GLG1: variants seen among roughly 807,000 people sequenced by gnomAD.
The protein encoded by GLG1 is golgi glycoprotein 1, also known as Golgi apparatus protein 1.
GLG1 carries 38 observed loss-of-function variants against 160.5 expected under a neutral mutation model. The ratio of observed to expected loss-of-function variants is 0.24; its 90% CI spans 0.18 to 0.31. The LOEUF (loss-of-function observed/expected upper bound fraction) is 0.31, where lower values mean the gene tolerates loss of function less well. Ranked by LOEUF, GLG1 falls within the 10% of genes least tolerant of loss-of-function variation. The pLI is 1.00. For synonymous variants in GLG1, 644 were observed against 543.4 expected (o/e 1.19, Z -2.57); for missense variants, 1,373 against 1,505.2 (o/e 0.91, Z 1.45).
At position 74,462,136 on chromosome 16, in the gene GLG1, G is replaced by A. The variant is rs2014822215; in HGVS notation, c.2994C>T (p.Asp998=). The change falls in exon 22 of 26, where the codon GAC becomes GAT. Residue 998 remains aspartate, a synonymous_variant. Transcript: ENST00000422840. ...IRIIIQESAL[D]YRLDPQLQLH... ...GCTGGAGCTGAGGATCCAGGCGGTA[G>A]TCCAGGGCGGACTCCTGGATAATGA... 1 of 1,609,324 alleles carries A rather than the reference G, an allele frequency of 6.2e-7. No homozygotes were observed. The highest frequency in any genetic ancestry group is 8.5e-7 in the Non-Finnish European group (1 of 1,175,718).
At chr16:74,536,334 T>C (rs561128992) in intron 1 of GLG1, among the ~76,000 whole-genome samples, 2 of 152,300 alleles carry the variant, frequency 1.3e-5, no homozygotes, top group South Asian at 4.1e-4. Flanking sequence ...CTGAGGATTT[T>C]TTTTCTTCCT....
At chr16:74,590,341 G>A (rs751418828) in intron 1 of GLG1, among the ~76,000 whole-genome samples, 17 of 151,972 alleles carry the variant, frequency 1.1e-4, no homozygotes, top group Admixed American at 2.0e-4. Flanking sequence ...TTTCAGGCCA[G>A]GTGCCATGGC....
chr16:74,457,242 C>T (rs550049604), intron 24 of GLG1, among the ~76,000 whole-genome samples: 3 of 151,960 alleles, frequency 2.0e-5, no homozygotes, highest in Non-Finnish European at 4.4e-5. Context: ...TTAAAAAATA[C>T]AAAAATGAGC....
rs1244624471 is a variant in GLG1, at chr16:74,456,690, G to A, written c.3331C>T (p.Arg1111Cys). ...RVRLQPECKK[R>C]LNDRIEMWSY... ...CACATCTCAATCCGGTCATTGAGGC[G>A]CTTTTTGCACTCGGGCTGTAACCTC... The change falls in exon 25 of 26, where the codon CGC (arginine) becomes TGC (cysteine). Residue 1111 changes from arginine to cysteine, a missense_variant. Transcript: ENST00000422840. 2.2e-5 allele frequency: 36 copies of A among 1,609,226 alleles called. No individual in the cohort carries two copies. The highest frequency in any genetic ancestry group is 2.7e-5 in the Non-Finnish European group (32 of 1,178,200).
intron 13 of GLG1, chr16:74,472,701 T>C: frequency 7.1e-6 from 4 of 560,734 alleles, no homozygotes; most frequent in Non-Finnish European, 1.2e-5. Context: ...AACATTAGAG[T>C]ATGCAAAGCC....
At chr16:74,561,448 G>A (rs1162448721) in intron 1 of GLG1, among the ~76,000 whole-genome samples, 3 of 152,268 alleles carry the variant, frequency 2.0e-5, no homozygotes, top group Non-Finnish European at 1.5e-5. Context: ...AAGCACTACT[G>A]AATACAAGTT....
At chr16:74,465,963 A>G (rs1226673087) in intron 18 of GLG1, 150 bp from the exon 19 acceptor site, 3 of 747,758 alleles carry the variant, frequency 4.0e-6, no homozygotes, top group South Asian at 1.7e-5. Context: ...CTTACCAAAG[A>G]TAAGGATTTA....
At position 74,462,496 on chromosome 16, in the gene GLG1, C is replaced by T. The variant is rs2014841035; in HGVS notation, c.2926G>A (p.Ala976Thr). 2 of 1,613,526 alleles carry T rather than the reference C, an allele frequency of 1.2e-6. No homozygotes were observed. The highest frequency in any genetic ancestry group is 8.5e-7 in the Non-Finnish European group (1 of 1,179,574). Residue 976 changes from alanine to threonine, a missense_variant, in exon 21 of 26, where the codon GCT (alanine) becomes ACT (threonine). Around this residue, in one of 4 missense-constraint regions of GLG1, gnomAD observed 491 missense variants for 632.1 expected, o/e 0.78. Transcript: ENST00000422840. ...AGCCCAGGCCAGTTTACCTGGTCAGCATATCTCAGCTTCAGGCAAGAGATG... is the reference window on the plus strand; with the variant it reads ...AGCCCAGGCCAGTTTACCTGGTCAGTATATCTCAGCTTCAGGCAAGAGATG... ...QVISCLKLRYADQRLSSDCED... is the reference protein window; with the variant it reads ...QVISCLKLRYTDQRLSSDCED...
At chr16:74,475,863 T>G (rs1261112537) in intron 12 of GLG1, among the ~76,000 whole-genome samples, 1 of 151,984 alleles carries the variant, frequency 6.6e-6, no homozygotes, top group Non-Finnish European at 1.5e-5. Context: ...GGGAGTAAAA[T>G]AAATGGCTAA....
chr16:74,519,146 T>A (rs2017077101), intron 2 of GLG1, among the ~76,000 whole-genome samples: 1 of 152,200 alleles, frequency 6.6e-6, no homozygotes, highest in Non-Finnish European at 1.5e-5. Flanking sequence ...TGTGGAATAC[T>A]ATGCAGCCAT....
intron 1 of GLG1, among the ~76,000 whole-genome samples, chr16:74,572,494 C>T (rs1458262786): frequency 1.5e-5 from 2 of 136,204 alleles, no homozygotes; most frequent in East Asian, 4.3e-4. Flanking sequence ...GCCTGGGAAA[C>T]AGAGTGAGAC....
chr16:74,481,905 C>T (rs2015613963), intron 10 of GLG1, among the ~76,000 whole-genome samples: 1 of 152,196 alleles, frequency 6.6e-6, no homozygotes, highest in South Asian at 2.1e-4. Context: ...CCTGCCTCAG[C>T]CTCCCGAGTA....
In GLG1 at chr16:74,452,684, G is replaced by A. The variant is rs963293068; in HGVS notation, c.*483C>T. 5.0e-6 allele frequency: 5 copies of A among 993,386 alleles called. No homozygotes were observed. The Admixed American group carries it at 2.2e-4, about 44-fold the overall frequency. The allele number at this position is 993,386 out of a possible 1,614,324, so 61.5% of individuals were successfully genotyped here. On this transcript the variant is annotated 3_prime_UTR_variant, in exon 26 of 26. Transcript: ENST00000422840. Reference sequence around the variant, plus strand: ...GAGACACCTCAGTCATGGCACACTGGGTGGTGTGCTTCCCCTCCAAGTCCT... The same window carrying A: ...GAGACACCTCAGTCATGGCACACTGAGTGGTGTGCTTCCCCTCCAAGTCCT...
rs143309932 is a variant in GLG1 at position 74,474,955 on chromosome 16, G to A, written c.1966-323C>T. Among the ~76,000 whole-genome samples the A allele has an allele frequency of 2.3e-3, 350 of 152,074 alleles. 1 individual carries two copies. The highest frequency in any genetic ancestry group is 8.1e-3 in the African/African-American group (336 of 41,482). ...GCAGATCACCTGGGGTCAGGAGTTCGAGACCAGCCTGGCCAACACAGTGAA... is the reference window on the plus strand; with the variant it reads ...GCAGATCACCTGGGGTCAGGAGTTCAAGACCAGCCTGGCCAACACAGTGAA... On this transcript the variant is annotated intron_variant, in intron 12 of 25. Coordinates refer to ENST00000422840, the MANE Select transcript of GLG1 (RefSeq NM_001145667.2).
intron 2 of GLG1, among the ~76,000 whole-genome samples, chr16:74,530,705 G>A (rs534569674): frequency 4.6e-5 from 7 of 151,284 alleles, no homozygotes; most frequent in East Asian, 1.9e-4. Context: ...TTTTGTGATC[G>A]TAGGTCACTG....
chr16:74,475,466 A>C (rs893417809), intron 12 of GLG1, among the ~76,000 whole-genome samples: 7 of 152,204 alleles, frequency 4.6e-5, no homozygotes, highest in African/African-American at 1.7e-4. Flanking sequence ...CAGATCTGGG[A>C]TTCTAACTCC....
At chr16:74,531,617 A>C (rs1185363182) in intron 2 of GLG1, among the ~76,000 whole-genome samples, 8 of 152,174 alleles carry the variant, frequency 5.3e-5, no homozygotes, top group Non-Finnish European at 7.3e-5. Flanking sequence ...GTGAACCACC[A>C]TGCCCGGCCT....
At chr16:74,541,322 T>G (rs1226840948) in intron 1 of GLG1, among the ~76,000 whole-genome samples, 1 of 78,950 alleles carries the variant, frequency 1.3e-5, no homozygotes, top group Non-Finnish European at 2.5e-5. Flanking sequence ...AGGCTCTGTC[T>G]CCAAAAAAAA....
At chr16:74,528,850 A>G (rs1490266938) in intron 2 of GLG1, among the ~76,000 whole-genome samples, 1 of 144,374 alleles carries the variant, frequency 6.9e-6, no homozygotes, top group Non-Finnish European at 1.5e-5. Context: ...TTAGGTGAGT[A>G]TGGATTTCTC....
Sources: gnomAD v4.1 joint callset for allele counts (sites outside exome capture counted in the v4.1 genomes callset) on GRCh38, gnomAD v4.1.1 for gene constraint, gnomAD v4.1.1 regional missense constraint, MANE v1.5 for transcripts, NCBI Gene and HGNC (gene_info 2026-07-23, HGNC 2026-07-21) for gene names.